Variants in STX16 observed in about 807,000 individuals in gnomAD.
The protein encoded by STX16 is syntaxin 16.
STX16 carries 28 observed loss-of-function variants against 42.7 expected under a neutral mutation model. That is an observed-to-expected ratio of 0.66 (90% CI 0.49 to 0.90). STX16 has a LOEUF of 0.90. Ranked by LOEUF, STX16 falls within the 40% of genes least tolerant of loss-of-function variation. The pLI is 0.00. For missense variants in STX16, 361 were observed against 420.9 expected (o/e 0.86, Z 1.24); for synonymous variants, 156 against 155.2 (o/e 1.00, Z -0.04).
At chr20:58,660,302 A>G (rs1026604859) in intron 2 of STX16, among the ~76,000 whole-genome samples, 3 of 152,218 alleles carry the variant, frequency 2.0e-5, no homozygotes, top group Admixed American at 2.0e-4. Context: ...GTTTGTGTCT[A>G]TTGTCTGTTT....
chr20:58,667,294 T>TA (rs1376837431), intron 2 of STX16, 196 bp from the exon 3 acceptor site: 2 of 676,478 alleles, frequency 3.0e-6, no homozygotes, highest in Non-Finnish European at 5.4e-6. Flanking sequence ...TCCTAGCAGT[T>TA]ATCAAAAGCA....
At chr20:58,663,277 G>C (rs2083743348) in intron 2 of STX16, among the ~76,000 whole-genome samples, 1 of 152,220 alleles carries the variant, frequency 6.6e-6, no homozygotes, top group South Asian at 2.1e-4. Flanking sequence ...TCAGCCTTCA[G>C]GGAAAGGCAG....
chr20:58,669,501 C>T (rs1265552792), intron 5 of STX16, 48 bp downstream of exon 5: 3 of 1,557,054 alleles, frequency 1.9e-6, no homozygotes, highest in Admixed American at 2.3e-5. Context: ...AAGAAAAGCA[C>T]TTTATGTTTT....
intron 2 of STX16, among the ~76,000 whole-genome samples, chr20:58,663,227 C>T (rs2083742548): frequency 6.6e-6 from 1 of 152,216 alleles, no homozygotes; most frequent in Non-Finnish European, 1.5e-5. Context: ...CCAATCTCCA[C>T]AGAGGCTTTG....
At position 58,652,488 on chromosome 20, in the gene STX16, G is replaced by T. The variant is rs555502475; in HGVS notation, c.132+350G>T. Among the ~76,000 whole-genome samples, 4 of 148,196 alleles carry T rather than the reference G, an allele frequency of 2.7e-5. No individual in the cohort carries two copies. In the South Asian group the frequency reaches 9.0e-4, roughly 34 times the overall value. ...GGCCTTTCTGAAGCCTTTTTGTTTC[G>T]TTTTGTTTGAAGCTCCCCTCCCCCC... is the stretch of plus-strand genomic sequence containing the variant. On this transcript the variant is annotated intron_variant, in intron 1 of 8. Transcript: ENST00000371141.
chr20:58,661,465 C>T (rs906207032), intron 2 of STX16, among the ~76,000 whole-genome samples: 2 of 152,364 alleles, frequency 1.3e-5, no homozygotes, highest in East Asian at 1.9e-4. Flanking sequence ...CTCCTCCACG[C>T]TCACCCCAGT....
At chr20:58,656,601 G>C (rs1225096861) in intron 1 of STX16, among the ~76,000 whole-genome samples, 1 of 152,214 alleles carries the variant, frequency 6.6e-6, no homozygotes. Context: ...GAGCTACTTT[G>C]TTAGTGTTTA....
In STX16 at chr20:58,652,385, A is replaced by AC. The variant is rs1325078409; in HGVS notation, c.132+253dup. Reference sequence around the variant, plus strand: ...ACTTCCGCAGCACCCCCCCCCCCGCACCCCCCGCCTTGGCGTCACTGCGCT... The same window carrying AC: ...ACTTCCGCAGCACCCCCCCCCCCGCACCCCCCCGCCTTGGCGTCACTGCGCT... On this transcript the variant is annotated intron_variant, in intron 1 of 8. Coordinates refer to ENST00000371141, the MANE Select transcript of STX16 (RefSeq NM_001001433.3). The AC allele has an allele frequency of 2.4e-5, 9 of 374,198 alleles. No homozygotes were observed. The Admixed American group carries it at 3.0e-4, about 13-fold the overall frequency. 23.2% of individuals were successfully genotyped at this position (374,198 alleles called of 1,614,324 possible).
chr20:58,661,022 A>G (rs2083686001), intron 2 of STX16, among the ~76,000 whole-genome samples: 1 of 151,324 alleles, frequency 6.6e-6, no homozygotes, highest in Non-Finnish European at 1.5e-5. Flanking sequence ...TTTCCCATTC[A>G]GGAACCTCAC....
At chr20:58,671,846 CTT>C (rs925782108) in intron 7 of STX16, among the ~76,000 whole-genome samples, 1 of 151,816 alleles carries the variant, frequency 6.6e-6, no homozygotes, top group Non-Finnish European at 1.5e-5. Flanking sequence ...AAATTTGAAA[CTT>C]TTTTTTGAGT....
chr20:58,670,934 C>G (rs981065574), intron 6 of STX16, among the ~76,000 whole-genome samples: 68 of 152,280 alleles, frequency 4.5e-4, no homozygotes, highest in African/African-American at 1.5e-3. Context: ...CTTCTGTCTT[C>G]CCTGCTATGG....
At chr20:58,664,525 G>A (rs950289834) in intron 2 of STX16, among the ~76,000 whole-genome samples, 35 of 152,218 alleles carry the variant, frequency 2.3e-4, no homozygotes, top group African/African-American at 8.0e-4. Flanking sequence ...GAGCAGGCTG[G>A]CATCCATGCT....
chr20:58,676,435 C>A lies in STX16; in HGVS notation c.*144C>A. 1.5e-6 allele frequency: 1 copy of A among 687,374 alleles called. No individual in the cohort carries two copies. Among genetic ancestry groups the A allele is most frequent in the Non-Finnish European group, 2.6e-6 (1 of 386,092 alleles). The allele number at this position is 687,374 out of a possible 1,614,324, so 42.6% of individuals were successfully genotyped here. A position where few individuals can be genotyped will look rare whatever the true frequency, so the allele number is the denominator to read the frequency against. ...CAGCGAACCTTTGCATCCACGGACT[C>A]CTCCTTCCCTAGTCCTGCTCAAGCG... On this transcript the variant is annotated 3_prime_UTR_variant, in exon 9 of 9. Transcript: ENST00000371141.
intron 7 of STX16, among the ~76,000 whole-genome samples, chr20:58,672,098 T>A (rs2123006283): frequency 6.6e-6 from 1 of 152,186 alleles, no homozygotes; most frequent in South Asian, 2.1e-4. Flanking sequence ...TTTGGGGGGC[T>A]GAGGCACATG....
chr20:58,668,986 C>A (rs916806699), intron 4 of STX16, among the ~76,000 whole-genome samples: 1 of 152,052 alleles, frequency 6.6e-6, no homozygotes. Context: ...CAAAATCTCC[C>A]GAAATTTGAA....
At chr20:58,661,680 G>A (rs543615084) in intron 2 of STX16, among the ~76,000 whole-genome samples, 1 of 152,338 alleles carries the variant, frequency 6.6e-6, no homozygotes, top group South Asian at 2.1e-4. Flanking sequence ...TCAGCTGGTT[G>A]TGATTGTGCG....
chr20:58,679,253 C>A lies in STX16; in HGVS notation c.*2962C>A, dbSNP rs192204838. 1 of 152,520 alleles carries A rather than the reference C, an allele frequency of 6.6e-6. No homozygotes were observed. Among genetic ancestry groups the A allele is most frequent in the Non-Finnish European group, 1.5e-5 (1 of 68,032 alleles). 9.4% of individuals were successfully genotyped at this position (152,520 alleles called of 1,614,324 possible). A position where few individuals can be genotyped will look rare whatever the true frequency, so the allele number is the denominator to read the frequency against. On this transcript the variant is annotated 3_prime_UTR_variant, in exon 9 of 9. Transcript: ENST00000371141. ...CTGTTTTCTCTGCTAATTGAGAGAG[C>A]GTTATTTACATTATTTATTTGTTTT...
chr20:58,672,438 T>A (rs2084003235), intron 7 of STX16, among the ~76,000 whole-genome samples: 2 of 152,098 alleles, frequency 1.3e-5, no homozygotes, highest in South Asian at 4.1e-4. Flanking sequence ...ATGAATTTTG[T>A]GTTTAGACTT....
At chr20:58,670,900 C>G (rs992838714) in intron 6 of STX16, among the ~76,000 whole-genome samples, 2 of 152,102 alleles carry the variant, frequency 1.3e-5, no homozygotes, top group Admixed American at 1.3e-4. Context: ...GTTTATCTGC[C>G]CTTGTGGAGT....
Sources: allele counts gnomAD v4.1 joint callset (sites outside exome capture counted in the v4.1 genomes callset), GRCh38; gene constraint gnomAD v4.1.1; transcripts MANE v1.5; gene names NCBI Gene and HGNC (gene_info 2026-07-23, HGNC 2026-07-21).